EPHA3: variants seen among roughly 807,000 people sequenced by gnomAD.
The protein encoded by EPHA3 is ephrin type-A receptor 3.
EPHA3 carries 42 observed loss-of-function variants against 107.1 expected under a neutral mutation model. The observed-to-expected ratio is 0.39, with a 90% CI of 0.31 to 0.51. EPHA3 has a LOEUF of 0.51. Ranked by LOEUF, EPHA3 falls within the 20% of genes least tolerant of loss-of-function variation. The probability of loss-of-function intolerance (pLI) is 0.78; values close to 1 mark genes in which losing one functional copy is unlikely to be tolerated. For synonymous variants in EPHA3, 461 were observed against 424.8 expected, an observed-to-expected ratio of 1.09 and a Z score of -1.05; for missense variants, 1,183 against 1,211.2, an observed-to-expected ratio of 0.98 and a Z score of 0.35.
At chr3:89,221,331 T>C (rs545700594) in intron 3 of EPHA3, among the ~76,000 whole-genome samples, 15 of 152,326 alleles carry the variant, frequency 9.8e-5, no homozygotes, top group Admixed American at 6.5e-4. Flanking sequence ...TTGTTTTTGC[T>C]TTTTGGATAT....
At chr3:89,113,429 C>T (rs1435352003) in intron 1 of EPHA3, among the ~76,000 whole-genome samples, 2 of 113,116 alleles carry the variant, frequency 1.8e-5, no homozygotes, top group Non-Finnish European at 3.3e-5. Context: ...AGGTTTTCTC[C>T]AGGAAAATCT....
At chr3:89,221,249 C>T (rs1704367595) in intron 3 of EPHA3, among the ~76,000 whole-genome samples, 1 of 152,184 alleles carries the variant, frequency 6.6e-6, no homozygotes, top group Non-Finnish European at 1.5e-5. Context: ...TGTGTCCTCT[C>T]TCTGGGACCA....
chr3:89,227,593 C>T (rs764912097), intron 3 of EPHA3, among the ~76,000 whole-genome samples: 6 of 151,960 alleles, frequency 3.9e-5, no homozygotes, highest in Admixed American at 2.0e-4. Context: ...CAAAATTTCT[C>T]AATTACCTTG....
At chr3:89,244,109 G>C (rs1467165332) in intron 3 of EPHA3, among the ~76,000 whole-genome samples, 1 of 151,770 alleles carries the variant, frequency 6.6e-6, no homozygotes, top group Non-Finnish European at 1.5e-5. Context: ...TTTTACATTT[G>C]TGTAATACTA....
At chr3:89,125,664 T>C (rs2106970497) in intron 1 of EPHA3, among the ~76,000 whole-genome samples, 1 of 151,814 alleles carries the variant, frequency 6.6e-6, no homozygotes, top group South Asian at 2.1e-4. Context: ...AAAAAATTCT[T>C]TAATCATTAA....
chr3:89,307,573 AT>A (rs1382681607), intron 3 of EPHA3, among the ~76,000 whole-genome samples: 1 of 152,014 alleles, frequency 6.6e-6, no homozygotes, highest in Non-Finnish European at 1.5e-5. Context: ...TCTCTCTCTC[AT>A]TTTATAATTT....
At chr3:89,316,505 AATATATATATATATATATAT>A (rs58576798) in intron 3 of EPHA3, among the ~76,000 whole-genome samples, 11 of 104,134 alleles carry the variant, frequency 1.1e-4, no homozygotes, top group South Asian at 3.8e-4. Context: ...GTGTGTGTGT[AATATATATATATATATATAT>A]ATATATATAT....
At chr3:89,401,627 T>A (rs149059014) in intron 7 of EPHA3, among the ~76,000 whole-genome samples, 1,679 of 152,244 alleles carry the variant, frequency 0.011, 37 homozygotes, top group African/African-American at 0.038. Context: ...TCTTTTTTTG[T>A]GACAAAATCC....
At chr3:89,436,546 T>C (rs1050781097) in intron 13 of EPHA3, among the ~76,000 whole-genome samples, 11 of 152,234 alleles carry the variant, frequency 7.2e-5, no homozygotes, top group African/African-American at 2.7e-4. Flanking sequence ...TTTGAATCAA[T>C]GTCAGTGGAA....
intron 2 of EPHA3, among the ~76,000 whole-genome samples, chr3:89,152,872 G>C (rs907298496): frequency 1.3e-5 from 2 of 152,016 alleles, no homozygotes; most frequent in African/African-American, 4.8e-5. Flanking sequence ...CCAGAATTTT[G>C]ATAATTAGTT....
intron 2 of EPHA3, among the ~76,000 whole-genome samples, chr3:89,155,893 G>A (rs1489053496): frequency 2.0e-5 from 3 of 151,928 alleles, no homozygotes; most frequent in Non-Finnish European, 2.9e-5. Context: ...GTACTGCAGT[G>A]GTAGGAGTAA....
At chr3:89,291,550 G>A (rs1442040163) in intron 3 of EPHA3, among the ~76,000 whole-genome samples, 2 of 152,176 alleles carry the variant, frequency 1.3e-5, no homozygotes, top group Middle Eastern at 3.4e-3. Flanking sequence ...ATCATAAAAA[G>A]ATGAAAAAAG....
At chr3:89,265,413 A>G (rs1398887052) in intron 3 of EPHA3, among the ~76,000 whole-genome samples, 1 of 152,158 alleles carries the variant, frequency 6.6e-6, no homozygotes, top group African/African-American at 2.4e-5. Flanking sequence ...ACAGAAAAAA[A>G]GTTATTTTCT....
intron 15 of EPHA3, among the ~76,000 whole-genome samples, chr3:89,454,893 C>T (rs527943342): frequency 1.3e-5 from 2 of 152,046 alleles, no homozygotes; most frequent in South Asian, 4.1e-4. Context: ...ACTCAGGAGG[C>T]TGTAGCAGAA....
chr3:89,396,671 G>C (rs1009689808), intron 6 of EPHA3, among the ~76,000 whole-genome samples: 34 of 152,006 alleles, frequency 2.2e-4, no homozygotes, highest in African/African-American at 8.0e-4. Context: ...TTAAAGACAA[G>C]ATATGTTTAA....
intron 2 of EPHA3, among the ~76,000 whole-genome samples, chr3:89,176,347 C>A (rs533844416): frequency 6.6e-6 from 1 of 151,228 alleles, no homozygotes; most frequent in African/African-American, 2.4e-5. Flanking sequence ...TAGCTGGGTG[C>A]GGTGGTGCAT....
intron 10 of EPHA3, among the ~76,000 whole-genome samples, chr3:89,413,881 C>A (rs780221124): frequency 4.0e-5 from 6 of 151,322 alleles, no homozygotes; most frequent in Non-Finnish European, 8.9e-5. Context: ...ATAACAGTTG[C>A]ATATTTATAA....
At chr3:89,277,702 A>G (rs1378444553) in intron 3 of EPHA3, among the ~76,000 whole-genome samples, 1 of 152,160 alleles carries the variant, frequency 6.6e-6, no homozygotes, top group Non-Finnish European at 1.5e-5. Flanking sequence ...TTGTCATAAT[A>G]TGATGCCCTA....
chr3:89,172,797 G>A (rs1443560079), intron 2 of EPHA3, among the ~76,000 whole-genome samples: 4 of 152,094 alleles, frequency 2.6e-5, no homozygotes, highest in African/African-American at 7.2e-5. Flanking sequence ...GTGTAATTAT[G>A]TGCATGTCAT....
Sources: allele counts gnomAD v4.1 joint callset (sites outside exome capture counted in the v4.1 genomes callset), GRCh38; gene constraint gnomAD v4.1.1; transcripts MANE v1.5; gene names NCBI Gene and HGNC (gene_info 2026-07-23, HGNC 2026-07-21).